Variants in CDAN1 observed in about 807,000 individuals in gnomAD.
CDAN1 encodes the protein codanin 1, also known as codanin-1.
CDAN1 carries 107 observed loss-of-function variants against 139.8 expected under a neutral mutation model. The observed-to-expected ratio is 0.77, with a 90% confidence interval of 0.65 to 0.90. The LOEUF is 0.90. Among genes scored for constraint, CDAN1 ranks in the 40% least tolerant of loss-of-function variants. The probability of loss-of-function intolerance (pLI) is 0.00; values close to 1 mark genes in which losing one functional copy is unlikely to be tolerated. For synonymous variants in CDAN1, 776 were observed against 660.6 expected, an observed-to-expected ratio of 1.17 and a Z score of -2.68; for missense variants, 1,667 against 1,575.7, an observed-to-expected ratio of 1.06 and a Z score of -0.98.
chr15:42,730,670 G>C lies in CDAN1; in HGVS notation c.2102C>G (p.Ser701Cys), dbSNP rs1456901791. Residue 701 changes from serine to cysteine, a missense_variant, in exon 14 of 28, where the codon TCC becomes TGC. Physicochemically the swap from Ser to Cys is moderately radical, Grantham distance 112. Around this residue, in one of 3 missense-constraint regions of CDAN1, gnomAD observed 936 missense variants for 844.1 expected, o/e 1.11. Coordinates refer to ENST00000356231, the MANE Select transcript of CDAN1 (RefSeq NM_138477.4). ...CAAGGGAACAACATGGTCAGCAAAG[G>C]AGAGAAACTCCACCAGCCAGGGCAC... ...LTVPWLVEFL[S>C]FADHVVPLLE... 1 of 1,614,134 alleles carries C rather than the reference G, an allele frequency of 6.2e-7. No homozygotes were observed. The highest frequency in any genetic ancestry group is 2.2e-5 in the East Asian group (1 of 44,884).
Position 42,736,096 on chromosome 15 carries a change from A to T in CDAN1, c.570-18T>A. 6.2e-7 allele frequency: 1 copy of T among 1,613,214 alleles called. No homozygotes were observed. The highest frequency in any genetic ancestry group is 8.5e-7 in the Non-Finnish European group (1 of 1,179,286). ...GCTTCGTCCTGCTGAGAGTAGCCAC[A>T]GGTTTTTCTCAAATTCCTATCTTCA... On this transcript the variant is annotated intron_variant, in intron 2 of 27. Transcript: ENST00000356231.
At chr15:42,726,699 C>A in intron 23 of CDAN1, 1 of 526,544 alleles carries the variant, frequency 1.9e-6, no homozygotes, top group Non-Finnish European at 3.4e-6. Context: ...CAAACTGTAG[C>A]TAACCAACTC....
chr15:42,728,896 G>A, intron 19 of CDAN1, 86 bp from the exon 20 acceptor site: 1 of 1,596,788 alleles, frequency 6.3e-7, no homozygotes, highest in Non-Finnish European at 8.6e-7. Context: ...TCAGAAATTT[G>A]CTTCAAAATG....
chr15:42,736,696 C>T lies in CDAN1; in HGVS notation c.175G>A (p.Glu59Lys), dbSNP rs1034234495. ...TGCGGGAGGACGCGGCTGCTCTGCT[C>T]CCTCAGGAAGTTCAACAGGAACGGT... ...FVPFLLNFLR[E>K]QSSRVLPQGP... The change falls in exon 2 of 28, where the codon GAG becomes AAG. Residue 59 changes from glutamate (E) to lysine (K), a missense_variant. Physicochemically the swap from Glu to Lys is moderately conservative, Grantham distance 56 (BLOSUM62 1). Transcript: ENST00000356231. The T allele has an allele frequency of 1.3e-6, 2 of 1,555,380 alleles. No individual in the cohort carries two copies. The highest frequency in any genetic ancestry group is 2.5e-5 in the East Asian group (1 of 39,784).
rs200878305 is a variant in CDAN1, at chr15:42,733,161, C to G, written c.1393G>C (p.Glu465Gln). The change falls in exon 9 of 28, where the codon GAG (glutamate) becomes CAG (glutamine). Residue 465 changes from glutamate to glutamine, a missense_variant. Physicochemically the swap from Glu to Gln is conservative, Grantham distance 29 (BLOSUM62 2). This residue lies in a region of CDAN1 where 244 missense variants were observed against 309.4 expected (regional missense o/e 0.79). Transcript: ENST00000356231. ...GGCTCCTCATGGTGATCTTCCCACT[C>G]TCGCAGCACCTCATAAAACACATCC... Reference protein sequence around the residue: ...QRDVFYEVLREWEDHHEEPGW... With the variant: ...QRDVFYEVLRQWEDHHEEPGW... The G allele has an allele frequency of 6.9e-5, 111 of 1,614,068 alleles. No individual in the cohort carries two copies. Among genetic ancestry groups the G allele is most frequent in the Non-Finnish European group, 8.5e-5 (100 of 1,180,030 alleles).
At position 42,730,690 on chromosome 15, in the gene CDAN1, G is replaced by A; in HGVS notation, c.2082C>T (p.Pro694=). The part of the protein sequence containing the change: ...LQARRAVLTV[P]WLVEFLSFAD... ...CAAAGGAGAGAAACTCCACCAGCCA[G>A]GGCACGGTGAGCACCGCCCGGCGGG... is the stretch of plus-strand genomic sequence containing the variant. The change falls in exon 14 of 28, where the codon CCC becomes CCT. Residue 694 remains proline (P), a synonymous_variant. Coordinates refer to ENST00000356231, the MANE Select transcript of CDAN1 (RefSeq NM_138477.4). 1.9e-6 allele frequency: 3 copies of A among 1,614,004 alleles called. No homozygotes were observed. Among genetic ancestry groups the A allele is most frequent in the Non-Finnish European group, 2.5e-6 (3 of 1,179,952 alleles).
rs1424125917 is a variant in CDAN1, at chr15:42,735,864, C to G, written c.773+11G>C. 1 of 1,613,458 alleles carries G rather than the reference C, an allele frequency of 6.2e-7. No individual in the cohort carries two copies. Among genetic ancestry groups the G allele is most frequent in the Non-Finnish European group, 8.5e-7 (1 of 1,179,534 alleles). ...AGGAAACCGATATCCCCAGGAGCGG[C>G]CAGGCCATACCGCTCCTTCCTGAGC... On this transcript the variant is annotated intron_variant, in intron 3 of 27. Transcript: ENST00000356231.
rs752570417 is a variant in CDAN1 at position 42,729,068 on chromosome 15, T to G, written c.2600A>C (p.Glu867Ala). 9 of 1,614,212 alleles carry G rather than the reference T, an allele frequency of 5.6e-6. No individual in the cohort carries two copies. The highest frequency in any genetic ancestry group is 7.6e-6 in the Non-Finnish European group (9 of 1,180,036). Residue 867 changes from glutamate (E) to alanine (A), a missense_variant, in exon 19 of 28, where the codon GAG (glutamate) becomes GCG (alanine). Coordinates refer to ENST00000356231, the MANE Select transcript of CDAN1 (RefSeq NM_138477.4). ...TGATCCAATTCTTTCTGCCACGAAC[T>G]CTACGGTCCGGCGCAAGGAGGGCGG... ...NQPPSLRRTVEFVAERIGSNC... is the reference protein window; with the variant it reads ...NQPPSLRRTVAFVAERIGSNC...
chr15:42,728,972 A>AGG, intron 19 of CDAN1, 51 bp downstream of exon 19: 1 of 1,593,008 alleles, frequency 6.3e-7, no homozygotes, highest in Non-Finnish European at 8.6e-7. Context: ...CTGAGGAAAA[A>AGG]GGGGAAAAAA....
intron 10 of CDAN1, 129 bp downstream of exon 10, chr15:42,732,201 GAGT>G: frequency 2.3e-6 from 2 of 884,458 alleles, no homozygotes; most frequent in Non-Finnish European, 3.8e-6. Context: ...ACTCCGCGAG[GAGT>G]AGAACTCTTG....
At chr15:42,729,538 A>G (rs1203742726) in intron 17 of CDAN1, 30 bp downstream of exon 17, 2 of 1,613,656 alleles carry the variant, frequency 1.2e-6, no homozygotes, top group Non-Finnish European at 1.7e-6. Flanking sequence ...GGGACAGACC[A>G]AGGACCGTCC....
chr15:42,724,548 C>CTGGGGTTCTG lies in CDAN1; in HGVS notation c.3617_3626dup (p.Gln1209HisfsTer9). 6.4e-7 allele frequency: 1 copy of CTGGGGTTCTG among 1,560,372 alleles called. No homozygotes were observed. The highest frequency in any genetic ancestry group is 8.7e-7 in the Non-Finnish European group (1 of 1,151,246). On this transcript the variant is annotated frameshift_variant, in exon 28 of 28. Transcript: ENST00000356231. LOFTEE classifies it high-confidence loss of function. Reference sequence around the variant, plus strand: ...GCTGCACCAACTCACAGGCTCTTAGCTGGGGTTCTGGCAGGTGGGGCTCGG... The same window carrying CTGGGGTTCTG: ...GCTGCACCAACTCACAGGCTCTTAGCTGGGGTTCTGTGGGGTTCTGGCAGGTGGGGCTCGG...
At chr15:42,734,911 A>C (rs577974830) in intron 6 of CDAN1, among the ~76,000 whole-genome samples, 189 bp downstream of exon 6, 1 of 151,466 alleles carries the variant, frequency 6.6e-6, no homozygotes, top group South Asian at 2.1e-4. Context: ...GAGCCACCAC[A>C]CCTGGCCCGA....
intron 13 of CDAN1, 66 bp downstream of exon 13, chr15:42,730,859 C>T: frequency 6.2e-7 from 1 of 1,613,464 alleles, no homozygotes; most frequent in Non-Finnish European, 8.5e-7. Flanking sequence ...CCAAGGAAAC[C>T]AGTCAGCTTC....
intron 26 of CDAN1, 117 bp from the exon 27 acceptor site, chr15:42,725,368 G>T: frequency 6.9e-7 from 1 of 1,459,212 alleles, no homozygotes; most frequent in Non-Finnish European, 9.6e-7. Context: ...GATAAATGGA[G>T]CCCATTTCTG....
intron 4 of CDAN1, 32 bp downstream of exon 4, chr15:42,735,478 T>C (rs2061675195): frequency 6.2e-7 from 1 of 1,612,000 alleles, no homozygotes; most frequent in African/African-American, 1.3e-5. Context: ...TCTACAAGTG[T>C]CTCCACTCCC....
intron 26 of CDAN1, 94 bp from the exon 27 acceptor site, chr15:42,725,345 G>A: frequency 1.4e-6 from 2 of 1,475,044 alleles, no homozygotes; most frequent in East Asian, 2.3e-5. Context: ...CTGCTGGGAA[G>A]AGACTTGAGA....
In CDAN1 at chr15:42,736,378, T is replaced by C. The variant is rs2061687721; in HGVS notation, c.493A>G (p.Thr165Ala). Residue 165 changes from threonine to alanine, a missense_variant, in exon 2 of 28, where the codon ACG becomes GCG. By Grantham distance (58) the Thr-to-Ala change is moderately conservative (BLOSUM62 0). This residue lies in a region of CDAN1 where 487 missense variants were observed against 422.2 expected (regional missense o/e 1.15). Coordinates refer to ENST00000356231, the MANE Select transcript of CDAN1 (RefSeq NM_138477.4). ...CTGAGGTTTGGCGGATCAGACAGCG[T>C]GAGGCTGGGGCGGCTGGGGCTGCCA... ...GSGSPSRPSL[T>A]LSDPPNLSNL... 1.2e-6 allele frequency: 2 copies of C among 1,613,496 alleles called. No homozygotes were observed. Among genetic ancestry groups the C allele is most frequent in the East Asian group, 4.5e-5 (2 of 44,850 alleles).
chr15:42,730,086 G>C (rs1273186632), intron 15 of CDAN1, 42 bp downstream of exon 15: 4 of 1,564,128 alleles, frequency 2.6e-6, no homozygotes, highest in Non-Finnish European at 3.5e-6. Flanking sequence ...CCCATCTTCA[G>C]CTGTAGAACC....
Sources: allele counts gnomAD v4.1 joint callset (sites outside exome capture counted in the v4.1 genomes callset), GRCh38; gene constraint gnomAD v4.1.1; regional missense constraint gnomAD v4.1.1; transcripts MANE v1.5; gene names NCBI Gene and HGNC (gene_info 2026-07-23, HGNC 2026-07-21).